The following SLC26A3 variants were observed in gnomAD, a reference collection of about 807,000 sequenced individuals.
SLC26A3 encodes chloride anion exchanger.
In SLC26A3, 64 loss-of-function variants were observed where a neutral mutation model predicts 85.6. The observed-to-expected ratio is 0.75, with a 90% CI of 0.61 to 0.92. The LOEUF is 0.92. Among genes scored for constraint, SLC26A3 ranks in the 40% least tolerant of loss-of-function variants. The probability of loss-of-function intolerance (pLI) is 0.00; values close to 1 mark genes in which losing one functional copy is unlikely to be tolerated. For missense variants in SLC26A3, 922 were observed against 927.3 expected, an observed-to-expected ratio of 0.99 and a Z score of 0.07; for synonymous variants, 349 against 336.0, an observed-to-expected ratio of 1.04 and a Z score of -0.42.
In SLC26A3 at chr7:107,786,882, C is replaced by T. The variant is rs138234173; in HGVS notation, c.916G>A (p.Gly306Ser). ...MTVIAAGVSY[G>S]CDFKNRFKVA... is the part of the protein sequence containing the mutation. ...TTAAACCTGTTTTTAAAGTCACAGC[C>T]GTAGGATACACCTGCTGCAATCACG... The change falls in exon 8 of 21, where the codon GGC becomes AGC. Residue 306 changes from glycine to serine, a missense_variant. Gly to Ser is a moderately conservative substitution (Grantham distance 56). Transcript: ENST00000340010. 5.4e-5 allele frequency: 87 copies of T among 1,613,942 alleles called. No individual in the cohort carries two copies. Among genetic ancestry groups the T allele is most frequent in the Admixed American group, 8.3e-5 (5 of 59,992 alleles).
chr7:107,794,726 T>C (rs969889939), intron 1 of SLC26A3, 129 bp from the exon 2 acceptor site: 31 of 554,636 alleles, frequency 5.6e-5, no homozygotes, highest in African/African-American at 5.1e-4. Flanking sequence ...GGGACCTAGA[T>C]TGTGTTTTGC....
intron 18 of SLC26A3, among the ~76,000 whole-genome samples, chr7:107,769,026 AT>A (rs570107501): frequency 5.8e-4 from 89 of 152,312 alleles, no homozygotes; most frequent in Non-Finnish European, 1.0e-3. Flanking sequence ...ACTTTCCAAA[AT>A]ATCTGGGATG....
chr7:107,775,442 T>G (rs1794095329), intron 15 of SLC26A3, among the ~76,000 whole-genome samples: 1 of 152,094 alleles, frequency 6.6e-6, no homozygotes, highest in African/African-American at 2.4e-5. Flanking sequence ...AAAAAATCCT[T>G]GGCCAGGCGT....
intron 6 of SLC26A3, among the ~76,000 whole-genome samples, chr7:107,788,552 AGATTTTAAGAAACAGTTTAAAACTT>A: frequency 6.6e-6 from 1 of 152,134 alleles, no homozygotes; most frequent in Non-Finnish European, 1.5e-5. Context: ...TTTCAAAATA[AGATTTTAAGAAACAGTTTAAAACTT>A]GGGACAAAAT....
At chr7:107,776,591 G>A (rs750934551) in intron 14 of SLC26A3, 46 bp downstream of exon 14, 1 of 1,605,478 alleles carries the variant, frequency 6.2e-7, no homozygotes, top group East Asian at 2.2e-5. Flanking sequence ...TAGATCCATA[G>A]TTAATATCAT....
In SLC26A3 at chr7:107,776,634, T is replaced by C; in HGVS notation, c.1584+3A>G. On this transcript the variant is annotated splice_donor_region_variant and intron_variant, in intron 14 of 20. Coordinates refer to ENST00000340010, the MANE Select transcript of SLC26A3 (RefSeq NM_000111.3). ...GTCAAAGAAAAACATGAATCTCCCT[T>C]ACATCATAATAATCTTTTTTATTCT... The C allele has an allele frequency of 6.2e-7, 1 of 1,612,826 alleles. No homozygotes were observed. Among genetic ancestry groups the C allele is most frequent in the South Asian group, 1.1e-5 (1 of 91,034 alleles).
Position 107,774,134 on chromosome 7 carries a change from A to G in SLC26A3, c.1793T>C (p.Val598Ala). The G allele has an allele frequency of 2.5e-6, 4 of 1,613,794 alleles. No individual in the cohort carries two copies. The highest frequency in any genetic ancestry group is 2.5e-6 in the Non-Finnish European group (3 of 1,179,648). Residue 598 changes from valine (V) to alanine (A), a missense_variant, in exon 17 of 21, where the codon GTT becomes GCT. By Grantham distance (64) the Val-to-Ala change is moderately conservative (BLOSUM62 0). Transcript: ENST00000340010. ...TTCGTCAGAATCTTTTATGGTGTCA[A>G]CAGTACATATAAATCCTTTCTGCAG... ...QVTPKGFICT[V>A]DTIKDSDEEL...
chr7:107,771,342 G>T (rs1307459542), intron 18 of SLC26A3, among the ~76,000 whole-genome samples: 1 of 152,162 alleles, frequency 6.6e-6, no homozygotes. Flanking sequence ...AAAGGCCTGG[G>T]CTGGAGGTAT....
At position 107,787,490 on chromosome 7, in the gene SLC26A3, G is replaced by A. The variant is rs747674752; in HGVS notation, c.755C>T (p.Ser252Leu). ...TGCAATATTAGTCTTCTCTATTTGTGAGAATACAGAGTATAGTACCTACAA... is the reference window on the plus strand; with the variant it reads ...TGCAATATTAGTCTTCTCTATTTGTAAGAATACAGAGTATAGTACCTACAA... ...SIFKVLYSVF[S>L]QIEKTNIADL... Residue 252 changes from serine (S) to leucine (L), a missense_variant, in exon 7 of 21, where the codon TCA becomes TTA. Transcript: ENST00000340010. 4.0e-5 allele frequency: 65 copies of A among 1,613,496 alleles called. No homozygotes were observed. The South Asian group carries it at 5.7e-4, about 14-fold the overall frequency.
At chr7:107,766,529 T>A (rs1405385112) in intron 20 of SLC26A3, among the ~76,000 whole-genome samples, 1 of 152,144 alleles carries the variant, frequency 6.6e-6, no homozygotes, top group Non-Finnish European at 1.5e-5. Context: ...TTACCTCAGG[T>A]CTATCCAATT....
At chr7:107,779,461 A>G (rs1218532662) in intron 12 of SLC26A3, among the ~76,000 whole-genome samples, 3 of 152,228 alleles carry the variant, frequency 2.0e-5, no homozygotes, top group Admixed American at 2.0e-4. Context: ...TTAAATTAAA[A>G]GTAGCCATTT....
intron 5 of SLC26A3, among the ~76,000 whole-genome samples, chr7:107,790,728 A>G (rs1794382071): frequency 6.6e-6 from 1 of 152,148 alleles, no homozygotes; most frequent in African/African-American, 2.4e-5. Context: ...TGACTCTATC[A>G]ATTCCCAGAT....
At chr7:107,789,421 C>G in intron 6 of SLC26A3, 103 bp downstream of exon 6, 1 of 1,192,704 alleles carries the variant, frequency 8.4e-7, no homozygotes, top group Non-Finnish European at 1.2e-6. Flanking sequence ...ATTTTACAAA[C>G]TGTAGGTAAA....
At chr7:107,787,597 T>G in intron 6 of SLC26A3, 88 bp from the exon 7 acceptor site, 1 of 1,188,172 alleles carries the variant, frequency 8.4e-7, no homozygotes, top group Non-Finnish European at 1.2e-6. Flanking sequence ...AAAATAAACA[T>G]GGAAGCAAAA....
rs2115844763 is a variant in SLC26A3 at position 107,783,193 on chromosome 7, T to C, written c.1119+12A>G. The C allele has an allele frequency of 1.2e-6, 2 of 1,614,210 alleles. No homozygotes were observed. Among genetic ancestry groups the C allele is most frequent in the Non-Finnish European group, 1.7e-6 (2 of 1,180,028 alleles). ...GTTGCCCAGTGAGACCCAGTGTAGT[T>C]TGTTTACTTACCTGATTGCCATCAA... On this transcript the variant is annotated intron_variant, in intron 9 of 20. Transcript: ENST00000340010.
At chr7:107,772,158 G>T in intron 17 of SLC26A3, 50 bp from the exon 18 acceptor site, 1 of 1,031,216 alleles carries the variant, frequency 9.7e-7, no homozygotes, top group South Asian at 1.3e-5. Flanking sequence ...TCACTTGTCA[G>T]AAATATAAAG....
intron 12 of SLC26A3, among the ~76,000 whole-genome samples, chr7:107,778,836 A>G (rs1480750365): frequency 6.6e-6 from 1 of 152,088 alleles, no homozygotes; most frequent in Non-Finnish European, 1.5e-5. Flanking sequence ...CAAAAAATAA[A>G]AAAAAATAGC....
At chr7:107,802,107 A>C (rs1286356811) in intron 1 of SLC26A3, among the ~76,000 whole-genome samples, 1 of 151,714 alleles carries the variant, frequency 6.6e-6, no homozygotes, top group Non-Finnish European at 1.5e-5. Context: ...AAAAAAAAAA[A>C]AAAGGAATGA....
intron 1 of SLC26A3, among the ~76,000 whole-genome samples, chr7:107,799,676 GC>G (rs2115908644): frequency 6.6e-6 from 1 of 152,320 alleles, no homozygotes; most frequent in Non-Finnish European, 1.5e-5. Context: ...ACAGGCGTGA[GC>G]ACCCGGCCCA....
Sources: allele counts gnomAD v4.1 joint callset (sites outside exome capture counted in the v4.1 genomes callset), GRCh38; gene constraint gnomAD v4.1.1; transcripts MANE v1.5; gene names NCBI Gene and HGNC (gene_info 2026-07-23, HGNC 2026-07-21).